Variants in CD96 observed in about 807,000 individuals in gnomAD.
CD96 encodes the protein CD96 molecule.
CD96 carries 70 observed loss-of-function variants against 71.3 expected under a neutral mutation model. The observed-to-expected ratio is 0.98, with a 90% CI of 0.81 to 1.20. The LOEUF (loss-of-function observed/expected upper bound fraction) is 1.20. CD96 is among the 50% of genes most tolerant of loss of function. CD96 has a pLI of 0.00. For synonymous variants in CD96, 248 were observed against 233.0 expected, an observed-to-expected ratio of 1.06 and a Z score of -0.59; for missense variants, 742 against 677.5, an observed-to-expected ratio of 1.10 and a Z score of -1.06.
chr3:111,560,569 G>A (rs1217675704), intron 2 of CD96, among the ~76,000 whole-genome samples: 6 of 107,002 alleles, frequency 5.6e-5, no homozygotes, highest in East Asian at 5.0e-4. Context: ...GGTTTCTGCC[G>A]AGAGATCCAC....
chr3:111,584,183 G>A (rs755477162), intron 4 of CD96, among the ~76,000 whole-genome samples: 2 of 152,166 alleles, frequency 1.3e-5, no homozygotes, highest in Non-Finnish European at 2.9e-5. Flanking sequence ...AATGCTGCCA[G>A]TCTCTTTGCT....
At chr3:111,542,446 T>C (rs1934149070) in intron 1 of CD96, 137 bp downstream of exon 1, 1 of 735,276 alleles carries the variant, frequency 1.4e-6, no homozygotes, top group Non-Finnish European at 2.5e-6. Flanking sequence ...GTTTCAGTTA[T>C]GTATTTAAGC....
chr3:111,622,192 G>A (rs1390935606), intron 8 of CD96, among the ~76,000 whole-genome samples: 1 of 152,120 alleles, frequency 6.6e-6, no homozygotes, highest in Non-Finnish European at 1.5e-5. Context: ...CTTGGGCCAG[G>A]CCTGGGGAAG....
chr3:111,571,640 T>C (rs1935990235), intron 3 of CD96, among the ~76,000 whole-genome samples: 2 of 152,300 alleles, frequency 1.3e-5, no homozygotes, highest in African/African-American at 4.8e-5. Flanking sequence ...GAATGCACCA[T>C]GATACCAACA....
rs115399613 is a variant in CD96, at chr3:111,593,331, A to G, written c.808-4789A>G. 9.3e-4 allele frequency: 428 copies of G among 458,922 alleles called. 2 individuals are homozygous for G. The highest frequency in any genetic ancestry group is 8.0e-3 in the African/African-American group (404 of 50,436). 28.4% of individuals were successfully genotyped at this position (458,922 alleles called of 1,614,324 possible). A position where few individuals can be genotyped will look rare whatever the true frequency, so the allele number is the denominator to read the frequency against. ...CATTTATCTTTAATAGGTACATTTT[A>G]GAGTTTCGGCCAAGGGTCAGCAGAG... On this transcript the variant is annotated intron_variant, in intron 5 of 13. Coordinates refer to ENST00000352690, the MANE Select transcript of CD96 (RefSeq NM_005816.5).
intron 2 of CD96, among the ~76,000 whole-genome samples, chr3:111,565,401 T>A (rs1935659603): frequency 6.6e-6 from 1 of 152,172 alleles, no homozygotes; most frequent in Non-Finnish European, 1.5e-5. Context: ...CCACTTATAC[T>A]GCCAGCTTCC....
At chr3:111,618,582 C>CT (rs35004472) in intron 8 of CD96, among the ~76,000 whole-genome samples, 11,667 of 123,922 alleles carry the variant, frequency 0.094, 882 homozygotes, top group East Asian at 0.24. Flanking sequence ...TTATTTCTCT[C>CT]TTTTTTTTTT....
In CD96 at chr3:111,570,929, G is replaced by A. The variant is rs879199169; in HGVS notation, c.543+3282G>A. ...CCTGCTCAGTGCATGAGGCGCCAGC[G>A]TCAAAGTAGGGGGTCTTGAGTGGGC... is the stretch of plus-strand genomic sequence containing the variant. On this transcript the variant is annotated intron_variant, in intron 3 of 13. Coordinates refer to ENST00000352690, the MANE Select transcript of CD96 (RefSeq NM_005816.5). The A allele has an allele frequency of 3.4e-5, 54 of 1,573,886 alleles. No individual in the cohort carries two copies. In the Admixed American group the frequency reaches 4.0e-4, roughly 12 times the overall value.
intron 2 of CD96, among the ~76,000 whole-genome samples, chr3:111,546,894 C>CCACACACACACACACACATA (rs751844646): frequency 1.3e-5 from 1 of 76,138 alleles, no homozygotes; most frequent in Non-Finnish European, 3.3e-5. Context: ...GGAAAACACA[C>CCACACACACACACACACATA]CACACACACA....
intron 1 of CD96, 29 bp from the exon 2 acceptor site, chr3:111,545,017 A>C (rs765224089): frequency 6.4e-7 from 1 of 1,569,082 alleles, no homozygotes; most frequent in East Asian, 2.2e-5. Flanking sequence ...GAATTATTTA[A>C]ACTCATGGCT....
At chr3:111,609,219 G>A (rs1305166610) in intron 8 of CD96, among the ~76,000 whole-genome samples, 4 of 152,104 alleles carry the variant, frequency 2.6e-5, no homozygotes, top group Admixed American at 2.6e-4. Context: ...CAAAGAGGTG[G>A]TATTGTGTAC....
intron 12 of CD96, among the ~76,000 whole-genome samples, chr3:111,643,175 A>C (rs1939673951): frequency 6.6e-6 from 1 of 152,152 alleles, no homozygotes; most frequent in Admixed American, 6.5e-5. Context: ...GGGATGGTTT[A>C]ACATACACAA....
rs1231519984 is a variant in CD96 at position 111,651,321 on chromosome 3, T to C, written c.*1515T>C. The stretch of plus-strand genomic sequence containing the variant: ...TCCAATGCTGAATACAGATGATTTG[T>C]GTAACCTGAGGCCAGGATTAAGGGG... On this transcript the variant is annotated 3_prime_UTR_variant, in exon 14 of 14. Transcript: ENST00000352690. The C allele has an allele frequency of 6.6e-6, 1 of 152,208 alleles. No individual in the cohort carries two copies. Among genetic ancestry groups the C allele is most frequent in the Non-Finnish European group, 1.5e-5 (1 of 68,064 alleles). The allele number at this position is 152,208 out of a possible 1,614,324, so 9.4% of individuals were successfully genotyped here. A position where few individuals can be genotyped will look rare whatever the true frequency, so the allele number is the denominator to read the frequency against.
Position 111,606,807 on chromosome 3 carries a change from A to G in CD96, c.1180+15A>G, listed in dbSNP as rs1302189127. On this transcript the variant is annotated intron_variant, in intron 8 of 13. Transcript: ENST00000352690. The stretch of plus-strand genomic sequence containing the variant: ...ATCTCCTGCAAGTAAGAATGTTTTC[A>G]CACTGAGCTATTGATTTAACCAAGC... The G allele has an allele frequency of 1.5e-6, 2 of 1,367,442 alleles. No homozygotes were observed. The highest frequency in any genetic ancestry group is 2.3e-5 in the East Asian group (1 of 43,722). The allele number at this position is 1,367,442 out of a possible 1,614,324, so 84.7% of individuals were successfully genotyped here.
intron 7 of CD96, among the ~76,000 whole-genome samples, chr3:111,606,089 T>C (rs1385814243): frequency 3.9e-5 from 6 of 152,106 alleles, no homozygotes; most frequent in African/African-American, 1.4e-4. Flanking sequence ...AACCACATTC[T>C]AGCCTCTGTT....
chr3:111,564,398 A>G (rs1018056733), intron 2 of CD96, among the ~76,000 whole-genome samples: 2 of 151,898 alleles, frequency 1.3e-5, no homozygotes, highest in African/African-American at 2.4e-5. Context: ...ATGAACTTCA[A>G]TGAATTAACT....
chr3:111,598,552 A>G (rs1289245237), intron 6 of CD96, among the ~76,000 whole-genome samples: 3 of 152,202 alleles, frequency 2.0e-5, no homozygotes, highest in African/African-American at 7.2e-5. Flanking sequence ...TAACATAGCT[A>G]CCTGTTTTTC....
At position 111,561,196 on chromosome 3, in the gene CD96, T is replaced by C. The variant is rs1279155335; in HGVS notation, c.419-6327T>C. 2.8e-3 allele frequency among the ~76,000 whole-genome samples: 406 copies of C among 144,266 alleles called. 1 individual carries two copies. The highest frequency in any genetic ancestry group is 9.9e-3 in the African/African-American group (385 of 38,764). 94.6% of individuals were successfully genotyped at this position (144,266 alleles called of 152,430 possible). On this transcript the variant is annotated intron_variant, in intron 2 of 13. Coordinates refer to ENST00000352690, the MANE Select transcript of CD96 (RefSeq NM_005816.5). ...AGAGTAATTTGATCGTCTGAAGCCT[T>C]CTTCTCTCAGCTCGTCAAAGTCATT... is the stretch of plus-strand genomic sequence containing the variant.
At chr3:111,645,465 A>G (rs528703783) in intron 12 of CD96, among the ~76,000 whole-genome samples, 8 of 152,264 alleles carry the variant, frequency 5.3e-5, no homozygotes, top group African/African-American at 1.9e-4. Flanking sequence ...ACAAATCACC[A>G]CTAAAGAACT....
Sources: gnomAD v4.1 joint callset for allele counts (sites outside exome capture counted in the v4.1 genomes callset) on GRCh38, gnomAD v4.1.1 for gene constraint, MANE v1.5 for transcripts, NCBI Gene and HGNC (gene_info 2026-07-23, HGNC 2026-07-21) for gene names.